Variants in CLEC1A observed in about 807,000 individuals in gnomAD.
CLEC1A encodes the protein C-type lectin-like receptor-1.
A neutral mutation model predicts 28.7 loss-of-function variants in CLEC1A; 34 were observed. The observed-to-expected ratio is 1.18, with a 90% CI of 0.90 to 1.57. The LOEUF (loss-of-function observed/expected upper bound fraction) is 1.57, where lower values mean the gene tolerates loss of function less well. Among genes scored for constraint, CLEC1A ranks in the 40% most tolerant of loss-of-function variants. The pLI, the probability that CLEC1A is intolerant of heterozygous loss-of-function variation, is 0.00. For synonymous variants in CLEC1A, 116 were observed against 121.0 expected (o/e 0.96, Z 0.27); for missense variants, 385 against 339.5 (o/e 1.13, Z -1.05).
intron 1 of CLEC1A, among the ~76,000 whole-genome samples, chr12:10,098,058 GT>G (rs56398650): frequency 0.081 from 12,225 of 150,426 alleles, 1,645 homozygotes; most frequent in African/African-American, 0.28. Flanking sequence ...GAACAGGATA[GT>G]TTTTTTTTTT....
Position 10,081,389 on chromosome 12 carries a change from T to C in CLEC1A, c.239A>G (p.Asn80Ser), listed in dbSNP as rs781067124. The change falls in exon 3 of 6, where the codon AAT (asparagine) becomes AGT (serine). Residue 80 changes from asparagine to serine, a missense_variant. Transcript: ENST00000315330. ...LLFFQYYQLS[N>S]TGQDTISQME... ...TTGAGAAATGGTGTCTTGACCAGTA[T>C]TGGAGAGCTGGTAGTACTGAAAAAC... The C allele has an allele frequency of 5.0e-6, 8 of 1,608,148 alleles. No homozygotes were observed. Among genetic ancestry groups the C allele is most frequent in the Non-Finnish European group, 6.8e-6 (8 of 1,177,584 alleles).
intron 1 of CLEC1A, among the ~76,000 whole-genome samples, chr12:10,089,483 A>G (rs1384625608): frequency 6.6e-6 from 1 of 151,850 alleles, no homozygotes; most frequent in Non-Finnish European, 1.5e-5. Context: ...ACTGAATCAC[A>G]CTATGCATTA....
At chr12:10,072,537 T>C (rs1479858395) in intron 5 of CLEC1A, among the ~76,000 whole-genome samples, 1 of 152,144 alleles carries the variant, frequency 6.6e-6, no homozygotes, top group Non-Finnish European at 1.5e-5. Context: ...AGCCAAGAAC[T>C]CTTATGCTAT....
intron 3 of CLEC1A, among the ~76,000 whole-genome samples, chr12:10,080,696 A>G (rs1866349358): frequency 6.6e-6 from 1 of 152,204 alleles, no homozygotes; most frequent in Non-Finnish European, 1.5e-5. Context: ...ATGCTCCTAG[A>G]CTTCTCCAGC....
intron 1 of CLEC1A, among the ~76,000 whole-genome samples, chr12:10,091,590 T>C (rs1387562080): frequency 6.6e-6 from 1 of 152,000 alleles, no homozygotes; most frequent in African/African-American, 2.4e-5. Flanking sequence ...TTAGTCTTAG[T>C]TTTTCTGGAA....
At chr12:10,073,189 G>C in intron 5 of CLEC1A, 104 bp downstream of exon 5, 1 of 784,642 alleles carries the variant, frequency 1.3e-6, no homozygotes. Flanking sequence ...CCAGTACAAA[G>C]CAGAAGTTTG....
intron 2 of CLEC1A, among the ~76,000 whole-genome samples, chr12:10,087,522 G>GT (rs1265898724): frequency 1.6e-3 from 61 of 37,610 alleles, no homozygotes; most frequent in East Asian, 3.4e-3. Context: ...ATATATATTT[G>GT]TTTTTTTTTT....
intron 2 of CLEC1A, among the ~76,000 whole-genome samples, chr12:10,085,492 A>T (rs1208012175): frequency 6.6e-6 from 1 of 150,954 alleles, no homozygotes; most frequent in Admixed American, 6.6e-5. Flanking sequence ...GAGCCGGAGT[A>T]GCTATTCTTT....
intron 1 of CLEC1A, among the ~76,000 whole-genome samples, chr12:10,091,897 C>T (rs758273987): frequency 1.9e-4 from 29 of 152,196 alleles, no homozygotes; most frequent in South Asian, 4.1e-4. Flanking sequence ...ATGTGTCTTA[C>T]TCCAGGAAAA....
intron 2 of CLEC1A, 64 bp from the exon 3 acceptor site, chr12:10,081,477 T>G (rs1193396806): frequency 7.4e-7 from 1 of 1,343,536 alleles, no homozygotes; most frequent in Non-Finnish European, 1.0e-6. Flanking sequence ...ATTTTCTGCT[T>G]ATGGGGAAGA....
At chr12:10,078,478 T>C (rs75602985) in intron 3 of CLEC1A, among the ~76,000 whole-genome samples, 1 of 152,208 alleles carries the variant, frequency 6.6e-6, no homozygotes, top group Non-Finnish European at 1.5e-5. Context: ...CATATAATCA[T>C]CTTAATTCAG....
At chr12:10,090,334 C>T (rs574927004) in intron 1 of CLEC1A, among the ~76,000 whole-genome samples, 74 of 152,340 alleles carry the variant, frequency 4.9e-4, no homozygotes, top group African/African-American at 1.7e-3. Context: ...TCACTGCAAC[C>T]TCCGCCTCCA....
At chr12:10,091,098 C>T (rs1273721984) in intron 1 of CLEC1A, among the ~76,000 whole-genome samples, 1 of 152,146 alleles carries the variant, frequency 6.6e-6, no homozygotes, top group Non-Finnish European at 1.5e-5. Flanking sequence ...GGAAGAGGTC[C>T]GTAAGTCCAT....
chr12:10,095,291 T>G (rs1192351506), intron 1 of CLEC1A, among the ~76,000 whole-genome samples: 2 of 152,080 alleles, frequency 1.3e-5, no homozygotes, highest in African/African-American at 4.8e-5. Flanking sequence ...TATTATTAAA[T>G]TTTTTAAAAT....
chr12:10,081,844 T>A (rs1171299872), intron 2 of CLEC1A, among the ~76,000 whole-genome samples: 3 of 152,028 alleles, frequency 2.0e-5, no homozygotes, highest in Non-Finnish European at 4.4e-5. Flanking sequence ...AAAACCCACC[T>A]CTGAACACAC....
chr12:10,082,771 C>T (rs1866398878), intron 2 of CLEC1A, among the ~76,000 whole-genome samples: 1 of 152,170 alleles, frequency 6.6e-6, no homozygotes, highest in South Asian at 2.1e-4. Flanking sequence ...TAACTCAAGA[C>T]AGAATAACCC....
chr12:10,077,844 G>A (rs1024928183), intron 3 of CLEC1A, among the ~76,000 whole-genome samples: 1 of 151,860 alleles, frequency 6.6e-6, no homozygotes, highest in Non-Finnish European at 1.5e-5. Context: ...CTGTGTATGT[G>A]TCTGGCCCAG....
intron 1 of CLEC1A, among the ~76,000 whole-genome samples, chr12:10,097,410 C>T (rs1291884202): frequency 1.3e-5 from 2 of 152,098 alleles, no homozygotes; most frequent in Non-Finnish European, 2.9e-5. Flanking sequence ...AATTATACTT[C>T]TATGATGGTA....
At chr12:10,093,227 G>A (rs892117098) in intron 1 of CLEC1A, among the ~76,000 whole-genome samples, 1 of 151,962 alleles carries the variant, frequency 6.6e-6, no homozygotes, top group Non-Finnish European at 1.5e-5. Flanking sequence ...AGATGCCTAG[G>A]AGGTCGCTTG....
Sources: allele counts gnomAD v4.1 joint callset (sites outside exome capture counted in the v4.1 genomes callset), GRCh38; gene constraint gnomAD v4.1.1; transcripts MANE v1.5; gene names NCBI Gene and HGNC (gene_info 2026-07-23, HGNC 2026-07-21).